AQP11: variants seen among roughly 807,000 people sequenced by gnomAD.
AQP11 encodes the protein aquaporin-11.
A neutral mutation model predicts 21.1 loss-of-function variants in AQP11; 20 were observed. That is an observed-to-expected ratio of 0.95 (90% confidence interval 0.67 to 1.38). The LOEUF (loss-of-function observed/expected upper bound fraction) is 1.38, where lower values mean the gene tolerates loss of function less well. Among genes scored for constraint, AQP11 ranks in the 40% most tolerant of loss-of-function variants. AQP11 has a pLI of 0.00. For synonymous variants in AQP11, 167 were observed against 150.1 expected, an observed-to-expected ratio of 1.11 and a Z score of -0.82; for missense variants, 339 against 340.4, an observed-to-expected ratio of 1.00 and a Z score of 0.03.
intron 1 of AQP11, chr11:77,591,151 T>C (rs1958745433): frequency 3.1e-6 from 3 of 961,196 alleles, no homozygotes; most frequent in Non-Finnish European, 3.7e-6. Context: ...AAATTTCTTA[T>C]TTCCTTAATA....
chr11:77,591,217 A>G (rs959361357), intron 1 of AQP11: 3 of 950,038 alleles, frequency 3.2e-6, no homozygotes, highest in African/African-American at 3.5e-5. Flanking sequence ...AAATGTTTAA[A>G]TGATAACTTG....
rs36104720 is a variant in AQP11, at chr11:77,601,344, C to CT, written c.620-2190dup. Among the ~76,000 whole-genome samples the CT allele has an allele frequency of 9.8e-3, 1,272 of 129,304 alleles. 11 individuals are homozygous for CT. Among genetic ancestry groups the CT allele is most frequent in the African/African-American group, 0.014 (469 of 33,004 alleles). The allele number at this position is 129,304 out of a possible 152,430, so 84.8% of individuals were successfully genotyped here. On this transcript the variant is annotated intron_variant, in intron 1 of 2. Transcript: ENST00000313578. ...TTGCTGTGTAACACACCATTCAAAA[C>CT]TTTTTTTTTTTTTTTTTTTTTTGAG...
intron 2 of AQP11, among the ~76,000 whole-genome samples, chr11:77,608,645 A>T (rs1371958181): frequency 2.6e-5 from 4 of 152,208 alleles, no homozygotes; most frequent in African/African-American, 7.2e-5. Flanking sequence ...ATTTTGTATT[A>T]TATTTCAGAT....
At chr11:77,598,749 C>G (rs1958797787) in intron 1 of AQP11, among the ~76,000 whole-genome samples, 1 of 152,258 alleles carries the variant, frequency 6.6e-6, no homozygotes, top group African/African-American at 2.4e-5. Context: ...GAGTCTTGCT[C>G]TGTCGCCCAG....
chr11:77,605,147 C>T (rs543517120), intron 2 of AQP11, among the ~76,000 whole-genome samples: 6 of 152,100 alleles, frequency 3.9e-5, no homozygotes, highest in Non-Finnish European at 7.3e-5. Flanking sequence ...GAGCTGAGAT[C>T]GCACCACTGC....
At chr11:77,596,733 G>A (rs1291873524) in intron 1 of AQP11, among the ~76,000 whole-genome samples, 2 of 151,188 alleles carry the variant, frequency 1.3e-5, no homozygotes, top group Non-Finnish European at 1.5e-5. Flanking sequence ...GGTGGTGCAC[G>A]CCTGTAGTCT....
rs573028611 is a variant in AQP11, at chr11:77,596,698, A to C, written c.619+6087A>C. On this transcript the variant is annotated intron_variant, in intron 1 of 2. Coordinates refer to ENST00000313578, the MANE Select transcript of AQP11 (RefSeq NM_173039.3). ...ACATAGCAAGACCCTGTCTCTACAA[A>C]AAAATTTTAAAATTAGCCAGGTATG... 3.4e-4 allele frequency among the ~76,000 whole-genome samples: 51 copies of C among 151,096 alleles called. 2 individuals are homozygous for C. The South Asian group carries it at 0.01, about 30-fold the overall frequency.
intron 1 of AQP11, among the ~76,000 whole-genome samples, chr11:77,593,631 C>T (rs1298297259): frequency 1.3e-5 from 2 of 151,244 alleles, no homozygotes; most frequent in South Asian, 2.1e-4. Context: ...AGCGAGAGAG[C>T]GAGACTCCGT....
At chr11:77,591,110 T>G in intron 1 of AQP11, 1 of 976,170 alleles carries the variant, frequency 1.0e-6, no homozygotes, top group East Asian at 1.1e-4. Context: ...AAGTCATTTC[T>G]TATTTCCTTA....
chr11:77,590,629 A>G lies in AQP11; in HGVS notation c.619+18A>G. On this transcript the variant is annotated intron_variant, in intron 1 of 2. Coordinates refer to ENST00000313578, the MANE Select transcript of AQP11 (RefSeq NM_173039.3). ...CTATGCAGGTTTGTCATTCTCACCA[A>G]ATACTTGGCACTTCCAGAGCCTCTA... 6.3e-7 allele frequency: 1 copy of G among 1,599,940 alleles called. No homozygotes were observed. Among genetic ancestry groups the G allele is most frequent in the Non-Finnish European group, 8.5e-7 (1 of 1,172,572 alleles).
chr11:77,590,080 CT>C lies in AQP11; in HGVS notation c.89del (p.Leu30ArgfsTer4). 1 of 1,607,200 alleles carries C rather than the reference CT, an allele frequency of 6.2e-7. No individual in the cohort carries two copies. The highest frequency in any genetic ancestry group is 8.5e-7 in the Non-Finnish European group (1 of 1,179,176). ...LMLSVVLLMGLARVVARQQLH... is the reference protein window; with the variant it reads ...LMLSVVLLMGXARVVARQQLH... ...GCTGTCGGTGGTGCTGCTCATGGGGCTGGCCCGCGTAGTCGCCCGGCAGCAG... is the reference window on the plus strand; with the variant it reads ...GCTGTCGGTGGTGCTGCTCATGGGGCGGCCCGCGTAGTCGCCCGGCAGCAG... On this transcript the variant is annotated frameshift_variant, in exon 1 of 3. Coordinates refer to ENST00000313578, the MANE Select transcript of AQP11 (RefSeq NM_173039.3). LOFTEE classifies it high-confidence loss of function.
Position 77,609,263 on chromosome 11 carries a change from A to AT in AQP11, c.737-33dup, listed in dbSNP as rs772982908. On this transcript the variant is annotated intron_variant, in intron 2 of 2. Transcript: ENST00000313578. ...CTAGTGATTATGAACCTCCTTAAAG[A>AT]TTGTTTTTTTATTTTACTGTATTTT... 7 of 1,544,938 alleles carry AT rather than the reference A, an allele frequency of 4.5e-6. No individual in the cohort carries two copies. The South Asian group carries it at 8.0e-5, about 18-fold the overall frequency.
At chr11:77,608,078 A>G (rs1270036818) in intron 2 of AQP11, among the ~76,000 whole-genome samples, 2 of 152,210 alleles carry the variant, frequency 1.3e-5, no homozygotes, top group Non-Finnish European at 2.9e-5. Context: ...ACAAGAGAAC[A>G]TAATTTCAAA....
intron 1 of AQP11, chr11:77,591,271 C>A (rs1335573789): frequency 1.0e-6 from 1 of 981,120 alleles, no homozygotes; most frequent in Non-Finnish European, 1.2e-6. Flanking sequence ...CTTGAGAAAT[C>A]TGTTGATTTC....
At chr11:77,604,606 A>C (rs949889333) in intron 2 of AQP11, among the ~76,000 whole-genome samples, 1 of 152,124 alleles carries the variant, frequency 6.6e-6, no homozygotes. Flanking sequence ...ATTTTCTTTA[A>C]AACACACACA....
In AQP11 at chr11:77,590,527, A is replaced by G; in HGVS notation, c.535A>G (p.Ser179Gly). The G allele has an allele frequency of 6.2e-7, 1 of 1,614,144 alleles. No individual in the cohort carries two copies. The highest frequency in any genetic ancestry group is 8.5e-7 in the Non-Finnish European group (1 of 1,180,028). The change falls in exon 1 of 3, where the codon AGC (serine) becomes GGC (glycine). Residue 179 changes from serine to glycine, a missense_variant. Transcript: ENST00000313578. Reference protein sequence around the residue: ...TEAVCSFLFHSALLHFQEVRT... With the variant: ...TEAVCSFLFHGALLHFQEVRT... ...GGCCGTCTGCTCCTTTCTCTTCCAC[A>G]GCGCTCTGCTGCACTTCCAGGAAGT...
Position 77,590,230 on chromosome 11 carries a change from A to T in AQP11, c.238A>T (p.Thr80Ser). 6.3e-7 allele frequency: 1 copy of T among 1,594,500 alleles called. No individual in the cohort carries two copies. Reference protein sequence around the residue: ...QHPAHPTWTLTLVYFFSLVHG... With the variant: ...QHPAHPTWTLSLVYFFSLVHG... Reference sequence around the variant, plus strand: ...CCCCGCGCACCCCACCTGGACGCTGACGCTCGTCTACTTCTTCTCGCTTGT... The same window carrying T: ...CCCCGCGCACCCCACCTGGACGCTGTCGCTCGTCTACTTCTTCTCGCTTGT... Residue 80 changes from threonine to serine, a missense_variant, in exon 1 of 3, where the codon ACG becomes TCG. Physicochemically the swap from Thr to Ser is moderately conservative, Grantham distance 58. Transcript: ENST00000313578.
At chr11:77,597,755 T>C (rs1162796897) in intron 1 of AQP11, among the ~76,000 whole-genome samples, 4 of 151,900 alleles carry the variant, frequency 2.6e-5, no homozygotes, top group African/African-American at 4.8e-5. Flanking sequence ...GTATTTTCTT[T>C]TTTTCTTTTT....
chr11:77,603,549 G>A lies in AQP11; in HGVS notation c.620-7G>A. The A allele has an allele frequency of 6.4e-7, 1 of 1,563,528 alleles. No individual in the cohort carries two copies. Among genetic ancestry groups the A allele is most frequent in the African/African-American group, 1.4e-5 (1 of 73,080 alleles). The stretch of plus-strand genomic sequence containing the variant: ...TTTGAAATCACTCTGCTTAAAATCT[G>A]TTACAGGAGGAAGTCTAACAGGAGC... On this transcript the variant is annotated splice_polypyrimidine_tract_variant and splice_region_variant and intron_variant, in intron 1 of 2. Coordinates refer to ENST00000313578, the MANE Select transcript of AQP11 (RefSeq NM_173039.3).
Sources: gnomAD v4.1 joint callset for allele counts (sites outside exome capture counted in the v4.1 genomes callset) on GRCh38, gnomAD v4.1.1 for gene constraint, MANE v1.5 for transcripts, NCBI Gene and HGNC (gene_info 2026-07-23, HGNC 2026-07-21) for gene names.